Variants in MTUS2 observed in about 807,000 individuals in gnomAD.
MTUS2 encodes the protein microtubule-associated tumor suppressor candidate 2.
Under a neutral mutation model 114.1 loss-of-function variants are expected in MTUS2, and 40 were observed. The observed-to-expected ratio is 0.35, with a 90% CI of 0.27 to 0.46. The LOEUF (loss-of-function observed/expected upper bound fraction) is 0.46. MTUS2 is among the 20% of genes least tolerant of loss of function. The pLI is 1.00. For synonymous variants in MTUS2, 688 were observed against 672.0 expected, an observed-to-expected ratio of 1.02 and a Z score of -0.37; for missense variants, 1,679 against 1,705.4, an observed-to-expected ratio of 0.98 and a Z score of 0.27.
At chr13:29,345,003 G>A (rs1201266190) in intron 7 of MTUS2, among the ~76,000 whole-genome samples, 6 of 152,192 alleles carry the variant, frequency 3.9e-5, no homozygotes, top group Non-Finnish European at 5.9e-5. Flanking sequence ...CTTCTGGCTT[G>A]TAGGGTTTCT....
At chr13:29,155,577 A>G (rs909694608) in intron 5 of MTUS2, among the ~76,000 whole-genome samples, 3 of 152,196 alleles carry the variant, frequency 2.0e-5, no homozygotes, top group African/African-American at 4.8e-5. Flanking sequence ...ATATGCTCTA[A>G]GATGTGCTCT....
chr13:29,405,743 CTT>C (rs35738274), intron 8 of MTUS2, among the ~76,000 whole-genome samples: 1 of 141,898 alleles, frequency 7.0e-6, no homozygotes. Flanking sequence ...TAATTAACTA[CTT>C]TTTTTTTTTT....
intron 2 of MTUS2, among the ~76,000 whole-genome samples, chr13:28,859,047 A>G (rs957935236): frequency 8.5e-5 from 13 of 152,200 alleles, no homozygotes; most frequent in African/African-American, 3.1e-4. Context: ...GGTACTCAAG[A>G]CAGGCTGCTT....
intron 11 of MTUS2, among the ~76,000 whole-genome samples, chr13:29,490,710 A>G (rs1882000383): frequency 6.6e-6 from 1 of 152,284 alleles, no homozygotes; most frequent in Non-Finnish European, 1.5e-5. Flanking sequence ...GAGTGCAGCC[A>G]AGAGGCTACC....
In MTUS2 at chr13:28,893,822, G is replaced by T. The variant is rs77643556; in HGVS notation, c.-243+53972G>T. Among the ~76,000 whole-genome samples the T allele has an allele frequency of 1.1e-3, 173 of 152,248 alleles. 1 individual carries two copies. Among genetic ancestry groups the T allele is most frequent in the African/African-American group, 3.9e-3 (163 of 41,550 alleles). On this transcript the variant is annotated intron_variant, in intron 2 of 15. Transcript: ENST00000612955. ...TTATAATTATTCTTATCCTTGAGTTGTGAGTCTTGGTTTCTGTCATGTGCA... is the reference window on the plus strand; with the variant it reads ...TTATAATTATTCTTATCCTTGAGTTTTGAGTCTTGGTTTCTGTCATGTGCA...
intron 5 of MTUS2, among the ~76,000 whole-genome samples, chr13:29,179,562 T>C (rs1397787955): frequency 6.6e-6 from 1 of 152,324 alleles, no homozygotes; most frequent in Admixed American, 6.5e-5. Flanking sequence ...AACTAAATGT[T>C]AGACAATGAT....
chr13:29,403,279 C>T lies in MTUS2; in HGVS notation c.3118-36704C>T, dbSNP rs534511881. Reference sequence around the variant, plus strand: ...CCTCTTGTGTGTTTCTTCAGCAGCTCTTACCCTCCTGATTCCTTCCTGCTC... The same window carrying T: ...CCTCTTGTGTGTTTCTTCAGCAGCTTTTACCCTCCTGATTCCTTCCTGCTC... On this transcript the variant is annotated intron_variant, in intron 8 of 15. Transcript: ENST00000612955. Among the ~76,000 whole-genome samples, 5 of 152,304 alleles carry T rather than the reference C, an allele frequency of 3.3e-5. No individual in the cohort carries two copies. In the South Asian group the frequency reaches 1.0e-3, roughly 32 times the overall value.
chr13:29,483,543 T>A (rs1395094372), intron 10 of MTUS2, among the ~76,000 whole-genome samples: 1 of 152,034 alleles, frequency 6.6e-6, no homozygotes, highest in East Asian at 1.9e-4. Context: ...CAGCGGGTTG[T>A]TTTTGGGCCC....
At chr13:28,897,424 A>G (rs1331485049) in intron 2 of MTUS2, among the ~76,000 whole-genome samples, 1 of 152,226 alleles carries the variant, frequency 6.6e-6, no homozygotes, top group African/African-American at 2.4e-5. Flanking sequence ...GATGTGGAGA[A>G]ATAGGAACAC....
intron 1 of MTUS2, among the ~76,000 whole-genome samples, chr13:28,831,497 A>T (rs1380689112): frequency 6.6e-6 from 1 of 152,182 alleles, no homozygotes; most frequent in Non-Finnish European, 1.5e-5. Flanking sequence ...TGGAATGGCT[A>T]TACCGATATG....
intron 5 of MTUS2, among the ~76,000 whole-genome samples, chr13:29,172,236 C>T (rs1893593989): frequency 6.6e-6 from 1 of 152,238 alleles, no homozygotes; most frequent in Admixed American, 6.5e-5. Context: ...TCAATCCCAT[C>T]ATTTTTAAAG....
At chr13:29,021,443 T>G (rs971059743) in intron 2 of MTUS2, among the ~76,000 whole-genome samples, 2 of 152,238 alleles carry the variant, frequency 1.3e-5, no homozygotes, top group African/African-American at 2.4e-5. Context: ...GACATTGGTT[T>G]TATATTTCTT....
At chr13:29,119,051 A>T (rs986801759) in intron 5 of MTUS2, among the ~76,000 whole-genome samples, 3 of 152,196 alleles carry the variant, frequency 2.0e-5, no homozygotes, top group Non-Finnish European at 4.4e-5. Context: ...TTTTTCTCTG[A>T]TCACAATTGG....
intron 8 of MTUS2, among the ~76,000 whole-genome samples, chr13:29,376,071 A>C (rs1871722138): frequency 6.6e-6 from 1 of 151,728 alleles, no homozygotes; most frequent in Admixed American, 6.6e-5. Context: ...ATATATATTT[A>C]TTTATTTATT....
chr13:29,428,731 T>A, intron 8 of MTUS2: 1 of 1,564,422 alleles, frequency 6.4e-7, no homozygotes, highest in South Asian at 1.2e-5. Context: ...CACATGGAAG[T>A]TGTGACAGCT....
At chr13:29,231,390 C>T (rs953318784) in intron 5 of MTUS2, among the ~76,000 whole-genome samples, 3 of 152,194 alleles carry the variant, frequency 2.0e-5, no homozygotes, top group African/African-American at 4.8e-5. Context: ...ACCATTTCTT[C>T]GGTCACACCA....
At chr13:29,439,866 C>A in intron 8 of MTUS2, 117 bp from the exon 9 acceptor site, 1 of 811,048 alleles carries the variant, frequency 1.2e-6, no homozygotes, top group Non-Finnish European at 2.0e-6. Context: ...TGAAAATTAT[C>A]TCCTTAAGGA....
At chr13:29,404,262 G>A (rs1314593261) in intron 8 of MTUS2, among the ~76,000 whole-genome samples, 1 of 151,570 alleles carries the variant, frequency 6.6e-6, no homozygotes, top group Admixed American at 6.6e-5. Context: ...GAGGTGGGAG[G>A]ATCACCTGAG....
intron 2 of MTUS2, among the ~76,000 whole-genome samples, chr13:28,993,738 G>A (rs77640405): frequency 0.018 from 2,687 of 151,948 alleles, 79 homozygotes; most frequent in African/African-American, 0.061. Flanking sequence ...TTATTTCTGG[G>A]TTCTCTATTC....
Sources: gnomAD v4.1 joint callset for allele counts (sites outside exome capture counted in the v4.1 genomes callset) on GRCh38, gnomAD v4.1.1 for gene constraint, MANE v1.5 for transcripts, NCBI Gene and HGNC (gene_info 2026-07-23, HGNC 2026-07-21) for gene names.